The following APOD variants were observed in gnomAD, a reference collection of about 807,000 sequenced individuals.
APOD encodes apolipoprotein D.
Under a neutral mutation model 20.4 loss-of-function variants are expected in APOD, and 22 were observed. The ratio of observed to expected loss-of-function variants is 1.08; its 90% CI spans 0.77 to 1.54. APOD has a LOEUF of 1.54. Among genes scored for constraint, APOD ranks in the 40% most tolerant of loss-of-function variants. The pLI, the probability that APOD is intolerant of heterozygous loss-of-function variation, is 0.00. For missense variants in APOD, 223 were observed against 229.6 expected, an observed-to-expected ratio of 0.97 and a Z score of 0.19; for synonymous variants, 97 against 92.4, an observed-to-expected ratio of 1.05 and a Z score of -0.29.
chr3:195,571,596 G>A (rs181688892), intron 3 of APOD, among the ~76,000 whole-genome samples: 1 of 152,026 alleles, frequency 6.6e-6, no homozygotes, highest in Admixed American at 6.6e-5. Flanking sequence ...AGAGAGCAGC[G>A]GGGTGATAAG....
intron 2 of APOD, 104 bp from the exon 3 acceptor site, chr3:195,574,075 C>A: frequency 8.8e-6 from 13 of 1,470,666 alleles, no homozygotes; most frequent in African/African-American, 1.4e-5. Context: ...GGAAGCCAGA[C>A]AAAATGGGCC....
chr3:195,577,652 T>G (rs1418772956), intron 2 of APOD, among the ~76,000 whole-genome samples: 1 of 152,220 alleles, frequency 6.6e-6, no homozygotes, highest in Non-Finnish European at 1.5e-5. Context: ...TCAATAGAAC[T>G]GAGAGTGCAA....
Position 195,569,103 on chromosome 3 carries a change from T to C in APOD, c.367A>G (p.Thr123Ala). Residue 123 changes from threonine to alanine, a missense_variant, in exon 5 of 5, where the codon ACC becomes GCC. By Grantham distance (58) the Thr-to-Ala change is moderately conservative. Coordinates refer to ENST00000343267, the MANE Select transcript of APOD (RefSeq NM_001647.4). Reference protein sequence around the residue: ...MPSAPYWILATDYENYALVYS... With the variant: ...MPSAPYWILAADYENYALVYS... ...ACGAGGGCATAGTTCTCATAGTCGG[T>C]GGCCAGGATCCAGTACGGTGCCGAT... 1.2e-6 allele frequency: 2 copies of C among 1,614,126 alleles called. No individual in the cohort carries two copies. Among genetic ancestry groups the C allele is most frequent in the South Asian group, 1.1e-5 (1 of 91,080 alleles).
In APOD at chr3:195,579,396, T is replaced by G; in HGVS notation, c.66A>C (p.Ala22=). 1 of 1,614,188 alleles carries G rather than the reference T, an allele frequency of 6.2e-7. No individual in the cohort carries two copies. Among genetic ancestry groups the G allele is most frequent in the Non-Finnish European group, 8.5e-7 (1 of 1,180,032 alleles). ...GATTGGGGCACTTCCCAAGATGAAA[T>G]GCTTGTCCCTCTGCCGCACCGAAGA... ...AGLFGAAEGQ[A]FHLGKCPNPP... The change falls in exon 2 of 5, where the codon GCA becomes GCC. Residue 22 remains alanine (A), a synonymous_variant. Coordinates refer to ENST00000343267, the MANE Select transcript of APOD (RefSeq NM_001647.4).
intron 2 of APOD, among the ~76,000 whole-genome samples, chr3:195,575,081 G>A (rs564963217): frequency 2.6e-5 from 4 of 152,294 alleles, no homozygotes; most frequent in Non-Finnish European, 4.4e-5. Context: ...TTTCCCTCTG[G>A]GAGCTCTAGG....
intron 1 of APOD, 92 bp from the exon 2 acceptor site, chr3:195,579,587 T>C: frequency 7.3e-7 from 1 of 1,374,246 alleles, no homozygotes; most frequent in Non-Finnish European, 9.9e-7. Flanking sequence ...TGGTCCCCTC[T>C]GTGGGCGGTC....
At chr3:195,572,785 G>GA (rs1313702424) in intron 3 of APOD, among the ~76,000 whole-genome samples, 1 of 152,046 alleles carries the variant, frequency 6.6e-6, no homozygotes, top group Non-Finnish European at 1.5e-5. Context: ...GCCAAGGGGG[G>GA]GCGGATCACA....
chr3:195,582,555 A>G (rs1475815297), intron 1 of APOD: 1 of 152,226 alleles, frequency 6.6e-6, no homozygotes, highest in East Asian at 1.9e-4. Context: ...AGCCTGGCCA[A>G]CATGGCGAAA....
chr3:195,571,363 G>C lies in APOD; in HGVS notation c.248C>G (p.Ala83Gly). 1 of 1,608,674 alleles carries C rather than the reference G, an allele frequency of 6.2e-7. No individual in the cohort carries two copies. Among genetic ancestry groups the C allele is most frequent in the Non-Finnish European group, 8.5e-7 (1 of 1,178,240 alleles). Residue 83 changes from alanine to glycine, a missense_variant and splice_region_variant, in exon 4 of 5, where the codon GCT becomes GGT. Coordinates refer to ENST00000343267, the MANE Select transcript of APOD (RefSeq NM_001647.4). ...TTCGATTTGATTCACAGTTCCATCA[G>C]CTCTGCAGTGAGTTAAAAAAAGAAA... ...KIKVLNQELR[A>G]DGTVNQIEGE...
rs1225283182 is a variant in APOD, at chr3:195,580,357, C to G, written c.-34-862G>C. 1.7e-4 allele frequency among the ~76,000 whole-genome samples: 14 copies of G among 81,042 alleles called. No homozygotes were observed. The East Asian group carries it at 9.2e-3, about 53-fold the overall frequency. The allele number at this position is 81,042 out of a possible 152,430, so 53.2% of individuals were successfully genotyped here. ...GGTTTCTTCTTTCTTTTCTTTTCTT[C>G]TTTCTTTCTTCTTTTTTTTTTTTTG... On this transcript the variant is annotated intron_variant, in intron 1 of 4. Transcript: ENST00000343267.
Position 195,579,636 on chromosome 3 carries a change from T to C in APOD, c.-34-141A>G, listed in dbSNP as rs997692436. 1.4e-5 allele frequency: 12 copies of C among 885,154 alleles called. No individual in the cohort carries two copies. The African/African-American group carries it at 2.0e-4, about 15-fold the overall frequency. The allele number at this position is 885,154 out of a possible 1,614,324, so 54.8% of individuals were successfully genotyped here. ...CCCCAGCCCATGTGAACCCTCATCC[T>C]GCAGGGGAACACCTGCCTGTCCTTG... On this transcript the variant is annotated intron_variant, in intron 1 of 4. Coordinates refer to ENST00000343267, the MANE Select transcript of APOD (RefSeq NM_001647.4).
chr3:195,583,156 C>G (rs1054232104), intron 1 of APOD: 1 of 152,150 alleles, frequency 6.6e-6, no homozygotes, highest in African/African-American at 2.4e-5. Flanking sequence ...TGCTGACACT[C>G]TCTTCATACC....
intron 2 of APOD, among the ~76,000 whole-genome samples, chr3:195,576,032 C>T (rs988696282): frequency 4.6e-5 from 7 of 152,184 alleles, no homozygotes; most frequent in Admixed American, 1.3e-4. Context: ...CACGGCTTTC[C>T]GCTCAAATGT....
chr3:195,572,915 C>T (rs1236677443), intron 3 of APOD, among the ~76,000 whole-genome samples: 5 of 152,076 alleles, frequency 3.3e-5, no homozygotes, highest in African/African-American at 9.7e-5. Flanking sequence ...GACGGATGTC[C>T]TAGAAACAGG....
intron 2 of APOD, among the ~76,000 whole-genome samples, chr3:195,578,198 T>A (rs1720277278): frequency 6.6e-6 from 1 of 152,168 alleles, no homozygotes; most frequent in African/African-American, 2.4e-5. Context: ...TAACTCAGAT[T>A]CCTTGGATGT....
At position 195,568,837 on chromosome 3, in the gene APOD, G is replaced by C. The variant is rs111354824; in HGVS notation, c.*63C>G. The stretch of plus-strand genomic sequence containing the variant: ...GTTGATTGGTTTGTCTTTATGGGGG[G>C]GGGGTAGGGGAAAGCGAAGCAGAAG... On this transcript the variant is annotated 3_prime_UTR_variant, in exon 5 of 5. Coordinates refer to ENST00000343267, the MANE Select transcript of APOD (RefSeq NM_001647.4). 2.0e-6 allele frequency: 2 copies of C among 975,810 alleles called. No individual in the cohort carries two copies. The highest frequency in any genetic ancestry group is 3.1e-6 in the Non-Finnish European group (2 of 644,252). The allele number at this position is 975,810 out of a possible 1,614,324, so 60.4% of individuals were successfully genotyped here.
At chr3:195,569,190 G>T (rs972732480) in intron 4 of APOD, 55 bp from the exon 5 acceptor site, 2 of 1,498,580 alleles carry the variant, frequency 1.3e-6, no homozygotes, top group African/African-American at 1.4e-5. Flanking sequence ...AGAAATCTCA[G>T]GACAACACAA....
At chr3:195,576,492 T>C (rs1720249490) in intron 2 of APOD, among the ~76,000 whole-genome samples, 1 of 152,142 alleles carries the variant, frequency 6.6e-6, no homozygotes, top group Non-Finnish European at 1.5e-5. Flanking sequence ...GGTTACAAGA[T>C]ACAAGATTAA....
rs995099687 is a variant in APOD at position 195,579,075 on chromosome 3, G to A, written c.123+264C>T. Among the ~76,000 whole-genome samples, 9 of 152,258 alleles carry A rather than the reference G, an allele frequency of 5.9e-5. 2 individuals are homozygous for A. ...GTGACTGACCCTGACGGCCCAGGGC[G>A]ACAGCTCAGGAACGCACCCTTTATT... On this transcript the variant is annotated intron_variant, in intron 2 of 4. Coordinates refer to ENST00000343267, the MANE Select transcript of APOD (RefSeq NM_001647.4).
Sources: gnomAD v4.1 joint callset for allele counts (sites outside exome capture counted in the v4.1 genomes callset) on GRCh38, gnomAD v4.1.1 for gene constraint, MANE v1.5 for transcripts, NCBI Gene and HGNC (gene_info 2026-07-23, HGNC 2026-07-21) for gene names.